The following UBAP2 variants were observed in gnomAD, a reference collection of about 807,000 sequenced individuals.
UBAP2 encodes the protein ubiquitin-associated protein 2.
In UBAP2, 75 loss-of-function variants were observed where a neutral mutation model predicts 139.6. The ratio of observed to expected loss-of-function variants is 0.54; its 90% confidence interval spans 0.45 to 0.65. UBAP2 has a LOEUF of 0.65. Ranked by LOEUF, UBAP2 falls within the 30% of genes least tolerant of loss-of-function variation. The pLI, the probability that UBAP2 is intolerant of heterozygous loss-of-function variation, is 0.00. For synonymous variants in UBAP2, 526 were observed against 526.2 expected (o/e 1.00, Z 0.01); for missense variants, 1,368 against 1,369.6 (o/e 1.00, Z 0.02).
At chr9:33,994,232 T>A (rs941005108) in intron 4 of UBAP2, among the ~76,000 whole-genome samples, 1 of 152,070 alleles carries the variant, frequency 6.6e-6, no homozygotes, top group Non-Finnish European at 1.5e-5. Context: ...ACCAGCTCCT[T>A]CAGGTTCGGT....
chr9:33,971,702 T>C lies in UBAP2; in HGVS notation c.628A>G (p.Thr210Ala). 6.2e-7 allele frequency: 1 copy of C among 1,613,128 alleles called. No individual in the cohort carries two copies. Reference protein sequence around the residue: ...SDSTSTDVCGTKLVVWEAAQN... With the variant: ...SDSTSTDVCGAKLVVWEAAQN... ...GCAGCTTCCCAAACTACTAGCTTTG[T>C]CCCACACACATCTGTAGATGTAGAA... Residue 210 changes from threonine (T) to alanine (A), a missense_variant, in exon 8 of 29, where the codon ACA (threonine) becomes GCA (alanine). Transcript: ENST00000379238.
At chr9:33,928,295 A>C in intron 19 of UBAP2, 4 of 331,168 alleles carry the variant, frequency 1.2e-5, no homozygotes, top group East Asian at 1.0e-4. Flanking sequence ...GGCATCCAAA[A>C]TGAGGGCATA....
chr9:33,988,380 G>T (rs1821393067), intron 5 of UBAP2, among the ~76,000 whole-genome samples: 1 of 152,100 alleles, frequency 6.6e-6, no homozygotes, highest in Non-Finnish European at 1.5e-5. Context: ...TAGCTACACT[G>T]ACACACTGCC....
At chr9:34,028,744 T>G (rs1435055029) in intron 1 of UBAP2, among the ~76,000 whole-genome samples, 2 of 151,798 alleles carry the variant, frequency 1.3e-5, no homozygotes, top group African/African-American at 4.8e-5. Flanking sequence ...TTGAAAAGCA[T>G]GTAATTATTC....
At chr9:33,943,109 A>G (rs1825375184) in intron 15 of UBAP2, among the ~76,000 whole-genome samples, 1 of 152,246 alleles carries the variant, frequency 6.6e-6, no homozygotes. Context: ...AATAAAAATG[A>G]TACATTAAAC....
At chr9:33,960,947 CT>C in intron 9 of UBAP2, 69 bp from the exon 10 acceptor site, 1 of 1,494,310 alleles carries the variant, frequency 6.7e-7, no homozygotes, top group East Asian at 2.3e-5. Context: ...CAAATGATTC[CT>C]TTTTGTGTAC....
At chr9:33,970,984 G>A (rs1261405738) in intron 8 of UBAP2, among the ~76,000 whole-genome samples, 1 of 151,852 alleles carries the variant, frequency 6.6e-6, no homozygotes, top group Middle Eastern at 3.4e-3. Context: ...TTGTATTTTT[G>A]TAGAGACAGG....
In UBAP2 at chr9:33,922,741, G is replaced by A. The variant is rs1227429543; in HGVS notation, c.3210C>T (p.Ala1070=). The part of the protein sequence containing the change: ...APPPFLHILP[A]HQQPHSQLLH... ...GCAGCTGTGAGTGGGGCTGCTGGTG[G>A]GCTGGCAAGATGTGTAGGAATGGTG... Residue 1070 remains alanine, a synonymous_variant, in exon 28 of 29, where the codon GCC becomes GCT. Coordinates refer to ENST00000379238, the MANE Select transcript of UBAP2 (RefSeq NM_001370062.2). 1 of 1,553,676 alleles carries A rather than the reference G, an allele frequency of 6.4e-7. No individual in the cohort carries two copies. Among genetic ancestry groups the A allele is most frequent in the African/African-American group, 1.4e-5 (1 of 73,242 alleles).
chr9:33,965,876 G>A (rs925685266), intron 8 of UBAP2, among the ~76,000 whole-genome samples: 18 of 151,786 alleles, frequency 1.2e-4, no homozygotes, highest in African/African-American at 2.4e-4. Context: ...GTGAAGCCCC[G>A]TCTCTACTAA....
At chr9:33,981,801 A>AGGAAGGGT (rs1820784029) in intron 6 of UBAP2, among the ~76,000 whole-genome samples, 1 of 119,942 alleles carries the variant, frequency 8.3e-6, no homozygotes, top group African/African-American at 3.3e-5. Context: ...GAAGGAAGGA[A>AGGAAGGGT]GGAAGGGTGG....
At chr9:33,932,947 G>A (rs965620304) in intron 18 of UBAP2, among the ~76,000 whole-genome samples, 12 of 152,216 alleles carry the variant, frequency 7.9e-5, no homozygotes, top group African/African-American at 2.9e-4. Context: ...ATCTGTGAAC[G>A]AGGGATCAAA....
chr9:34,035,512 A>ATATATATAT (rs1554692765), intron 1 of UBAP2, among the ~76,000 whole-genome samples: 1 of 3,794 alleles, frequency 2.6e-4, no homozygotes, highest in African/African-American at 4.4e-4. Flanking sequence ...AAAAAAAAAA[A>ATATATATAT]AAATATATAT....
rs780084527 is a variant in UBAP2, at chr9:33,973,169, T to C, written c.575+14A>G. 2 of 1,612,456 alleles carry C rather than the reference T, an allele frequency of 1.2e-6. No individual in the cohort carries two copies. The highest frequency in any genetic ancestry group is 1.7e-6 in the Non-Finnish European group (2 of 1,178,916). ...GAAGTAAATAATTATAAAAATAGGATGGCTATCACTTACCCCATGCCTTGG... is the reference window on the plus strand; with the variant it reads ...GAAGTAAATAATTATAAAAATAGGACGGCTATCACTTACCCCATGCCTTGG... On this transcript the variant is annotated intron_variant, in intron 7 of 28. Transcript: ENST00000379238.
At chr9:34,012,326 T>C (rs978720272) in intron 2 of UBAP2, among the ~76,000 whole-genome samples, 2 of 151,708 alleles carry the variant, frequency 1.3e-5, no homozygotes, top group African/African-American at 4.8e-5. Flanking sequence ...AGGTCAGGAG[T>C]TCGAGAGCAG....
intron 15 of UBAP2, among the ~76,000 whole-genome samples, chr9:33,943,187 C>A (rs1587537064): frequency 6.6e-6 from 1 of 152,124 alleles, no homozygotes; most frequent in African/African-American, 2.4e-5. Flanking sequence ...TTCCAAGATT[C>A]CAGTTATATG....
At chr9:33,924,369 C>T in intron 22 of UBAP2, 85 bp from the exon 23 acceptor site, 1 of 1,328,982 alleles carries the variant, frequency 7.5e-7, no homozygotes, top group South Asian at 1.2e-5. Flanking sequence ...AGTGGTGACG[C>T]CACACTCCTG....
chr9:34,022,433 C>CTT (rs11387718), intron 1 of UBAP2, among the ~76,000 whole-genome samples: 9,453 of 112,284 alleles, frequency 0.084, 518 homozygotes, highest in Non-Finnish European at 0.12. Flanking sequence ...AGCAAGACCC[C>CTT]TTTTTTTTTT....
intron 16 of UBAP2, among the ~76,000 whole-genome samples, chr9:33,939,867 A>G (rs566734148): frequency 9.1e-3 from 3 of 330 alleles, no homozygotes; most frequent in African/African-American, 0.018. Context: ...GGGGAGGAGG[A>G]GGAGGAGGGG....
intron 10 of UBAP2, among the ~76,000 whole-genome samples, chr9:33,960,243 T>A (rs772157514): frequency 4.9e-4 from 74 of 152,250 alleles, no homozygotes; most frequent in Middle Eastern, 3.4e-3. Context: ...CACCTCAACC[T>A]TTTTTCTTGT....
Sources: allele counts gnomAD v4.1 joint callset (sites outside exome capture counted in the v4.1 genomes callset), GRCh38; gene constraint gnomAD v4.1.1; transcripts MANE v1.5; gene names NCBI Gene and HGNC (gene_info 2026-07-23, HGNC 2026-07-21).